SETD1B: variants seen among roughly 807,000 people sequenced by gnomAD.
The protein encoded by SETD1B is histone-lysine N-methyltransferase SETD1B.
Under a neutral mutation model 148.0 loss-of-function variants are expected in SETD1B, and 7 were observed. The observed-to-expected ratio is 0.05, with a 90% CI of 0.03 to 0.09. The LOEUF (loss-of-function observed/expected upper bound fraction) is 0.09. SETD1B is among the 10% of genes least tolerant of loss of function. The pLI is 1.00. For missense variants in SETD1B, 2,155 were observed against 2,729.9 expected, an observed-to-expected ratio of 0.79 and a Z score of 4.69; for synonymous variants, 1,361 against 1,186.5, an observed-to-expected ratio of 1.15 and a Z score of -3.02.
rs1033785206 is a variant in SETD1B at position 121,817,363 on chromosome 12, C to T, written c.2978-7C>T. The T allele has an allele frequency of 5.9e-6, 9 of 1,528,298 alleles. No individual in the cohort carries two copies. The Admixed American group carries it at 1.6e-4, about 27-fold the overall frequency. The allele number at this position is 1,528,298 out of a possible 1,614,324, so 94.7% of individuals were successfully genotyped here. On this transcript the variant is annotated splice_region_variant and splice_polypyrimidine_tract_variant and intron_variant, in intron 8 of 16. Coordinates refer to ENST00000604567, the MANE Select transcript of SETD1B (RefSeq NM_001353345.2). This position sits in a 1 kb window ranked among gnomAD's most constrained non-coding sequence, Gnocchi z 8.1. ...CAGCCCAGCTCTGACTCCCTCCCTT[C>T]CTGCAGAGTCCGAGCGAGAGCGAGA...
Position 121,817,392 on chromosome 12 carries a change from G to A in SETD1B, c.3000G>A (p.Arg1000=). ...EDEESERERD[R]DMADTPCELA... ...CAGAGTCCGAGCGAGAGCGAGACCG[G>A]GATATGGCAGACACCCCCTGTGAGC... Residue 1000 remains arginine (R), a synonymous_variant, in exon 9 of 17, where the codon CGG becomes CGA. Transcript: ENST00000604567. This position sits in a 1 kb window ranked among gnomAD's most constrained non-coding sequence, Gnocchi z 8.1. The A allele has an allele frequency of 6.5e-7, 1 of 1,529,996 alleles. No individual in the cohort carries two copies. Among genetic ancestry groups the A allele is most frequent in the East Asian group, 2.5e-5 (1 of 40,592 alleles). 94.8% of individuals were successfully genotyped at this position (1,529,996 alleles called of 1,614,324 possible).
rs1195497751 is a variant in SETD1B, at chr12:121,809,689, T to G, written c.744T>G (p.Gly248=). 1 of 1,551,458 alleles carries G rather than the reference T, an allele frequency of 6.4e-7. No homozygotes were observed. Among genetic ancestry groups the G allele is most frequent in the East Asian group, 2.4e-5 (1 of 40,938 alleles). The change falls in exon 6 of 17, where the codon GGT becomes GGG. Residue 248 remains glycine, a synonymous_variant. Transcript: ENST00000604567. ...CCTCCTCTGTCACCCCCAATAGCGG[T>G]GGGACACCCTTCTCCCAGGACACAG... ...SGSSSVTPNS[G]GTPFSQDTAY... is the part of the protein sequence containing the mutation.
At chr12:121,802,247 A>G (rs1046025059), upstream of SETD1B, 1 of 152,276 alleles carries the variant, frequency 6.6e-6, no homozygotes, top group Non-Finnish European at 1.5e-5. Flanking sequence ...ATATTAGACA[A>G]GAGAGACAAA....
At chr12:121,812,573 C>T (rs1408685976) in intron 6 of SETD1B, among the ~76,000 whole-genome samples, 4 of 152,042 alleles carry the variant, frequency 2.6e-5, no homozygotes, top group Non-Finnish European at 5.9e-5. Flanking sequence ...CCGGCCGGGG[C>T]TGGAGCGCAG....
chr12:121,819,880 C>A lies in SETD1B; in HGVS notation c.3895C>A (p.Pro1299Thr). Reference protein sequence around the residue: ...KEVEARPPLSPERAPEHDLEV... With the variant: ...KEVEARPPLSTERAPEHDLEV... ...GGTGGAGGCTCGACCCCCATTGTCC[C>A]CTGAGCGAGCTCCAGGTAACACCTG... The change falls in exon 11 of 17, where the codon CCT becomes ACT. Residue 1299 changes from proline (P) to threonine (T), a missense_variant. Pro to Thr is a conservative substitution (Grantham distance 38). Coordinates refer to ENST00000604567, the MANE Select transcript of SETD1B (RefSeq NM_001353345.2). The A allele has an allele frequency of 2.6e-6, 4 of 1,550,606 alleles. No homozygotes were observed. Among genetic ancestry groups the A allele is most frequent in the East Asian group, 2.4e-5 (1 of 40,918 alleles).
upstream of SETD1B, chr12:121,799,731 T>TGGGGGGGGAGGGG (rs1308261766): frequency 3.2e-5 from 1 of 31,716 alleles, no homozygotes; most frequent in African/African-American, 1.0e-4. Context: ...GGGGGGGGGG[T>TGGGGGGGGAGGGG]GGGGTGGGGC....
intron 10 of SETD1B, 136 bp downstream of exon 10, chr12:121,818,040 C>G (rs1876383895): frequency 2.4e-6 from 2 of 848,020 alleles, no homozygotes; most frequent in Non-Finnish European, 1.8e-6. Flanking sequence ...AACACACACA[C>G]AGGGTGGCGT....
At chr12:121,806,194 C>A in intron 4 of SETD1B, 89 bp downstream of exon 4, 2 of 1,402,518 alleles carry the variant, frequency 1.4e-6, no homozygotes, top group South Asian at 1.4e-5. Flanking sequence ...AGGACCCCCC[C>A]TCACTCTTCC....
At position 121,806,108 on chromosome 12, in the gene SETD1B, G is replaced by A. The variant is rs1160469887; in HGVS notation, c.544+3G>A. ...CCACGTGGAGCTGGACACCAAAGGT[G>A]AGCCTGGCAGGGGAGGAGCGTGGGG... On this transcript the variant is annotated splice_donor_region_variant and intron_variant, in intron 4 of 16. Transcript: ENST00000604567. The A allele has an allele frequency of 1.3e-6, 2 of 1,550,646 alleles. No homozygotes were observed. The highest frequency in any genetic ancestry group is 2.7e-5 in the African/African-American group (2 of 73,034).
chr12:121,823,187 G>C lies in SETD1B; in HGVS notation c.4608G>C (p.Leu1536Phe). ...CTATGCTCTCCTTGGATGGGCCCTT[G>C]GTCCGACCACCAGCAGGGGCCGCCC... The part of the protein sequence containing the change: ...PPSMLSLDGP[L>F]VRPPAGAALG... The change falls in exon 12 of 17, where the codon TTG becomes TTC. Residue 1536 changes from leucine to phenylalanine, a missense_variant. Transcript: ENST00000604567. The C allele has an allele frequency of 6.5e-7, 1 of 1,545,930 alleles. No homozygotes were observed. Among genetic ancestry groups the C allele is most frequent in the South Asian group, 1.2e-5 (1 of 84,022 alleles).
chr12:121,825,000 A>AAG (rs1876771120), intron 12 of SETD1B, among the ~76,000 whole-genome samples, 200 bp from the exon 13 acceptor site: 1 of 150,642 alleles, frequency 6.6e-6, no homozygotes, highest in African/African-American at 2.4e-5. Flanking sequence ...AAAAAAAAAA[A>AAG]GACACCTAGA....
chr12:121,810,752 C>A lies in SETD1B; in HGVS notation c.1807C>A (p.Pro603Thr). 6.5e-7 allele frequency: 1 copy of A among 1,550,248 alleles called. No individual in the cohort carries two copies. Among genetic ancestry groups the A allele is most frequent in the Non-Finnish European group, 8.7e-7 (1 of 1,146,094 alleles). Residue 603 changes from proline (P) to threonine (T), a missense_variant, in exon 6 of 17, where the codon CCT becomes ACT. Pro to Thr is a conservative substitution (Grantham distance 38). Transcript: ENST00000604567. The surrounding 1 kb of genome is among the most constrained non-coding windows in gnomAD (Gnocchi z 7.6). ...RPPPEPGPPD[P>T]AGLLSQTAEV... is the part of the protein sequence containing the mutation. ...TCCACCTGAGCCAGGCCCCCCGGAC[C>A]CTGCTGGGCTTCTGAGCCAGACAGC...
Position 121,819,820 on chromosome 12 carries a change from G to A in SETD1B, c.3835G>A (p.Ala1279Thr), listed in dbSNP as rs143926204. 53 of 1,551,578 alleles carry A rather than the reference G, an allele frequency of 3.4e-5. No homozygotes were observed. Among genetic ancestry groups the A allele is most frequent in the African/African-American group, 2.6e-4 (19 of 73,156 alleles). The stretch of plus-strand genomic sequence containing the variant: ...GGAACCAGGCCTGAGCCAGGAAGGG[G>A]CCATGTTGCTGTCTCCAGAGCCCCC... ...PEEPGLSQEG[A>T]MLLSPEPPAK... The change falls in exon 11 of 17, where the codon GCC becomes ACC. Residue 1279 changes from alanine to threonine, a missense_variant. By Grantham distance (58) the Ala-to-Thr change is moderately conservative. Around this residue, in one of 11 missense-constraint regions of SETD1B, gnomAD observed 862 missense variants for 873.8 expected, o/e 0.99. Coordinates refer to ENST00000604567, the MANE Select transcript of SETD1B (RefSeq NM_001353345.2).
chr12:121,798,397 C>CGG, the SETD1B span, among the ~76,000 whole-genome samples: 11 of 152,206 alleles, frequency 7.2e-5, no homozygotes, highest in African/African-American at 2.7e-4. Flanking sequence ...TGGGCTGGTG[C>CGG]GGGGGGAAGC....
intron 16 of SETD1B, 142 bp downstream of exon 16, chr12:121,828,212 G>T: frequency 9.0e-7 from 1 of 1,105,302 alleles, no homozygotes; most frequent in Non-Finnish European, 1.3e-6. Context: ...TATAGGGAGA[G>T]GAGGACATGT....
intron 5 of SETD1B, among the ~76,000 whole-genome samples, chr12:121,809,236 C>G (rs550678287): frequency 1.3e-5 from 2 of 152,304 alleles, no homozygotes; most frequent in South Asian, 2.1e-4. Flanking sequence ...CTTGGCCATC[C>G]TCTCGTGCAC....
chr12:121,817,611 C>T lies in SETD1B; in HGVS notation c.3219C>T (p.Ser1073=), dbSNP rs1876358803. 1 of 1,551,272 alleles carries T rather than the reference C, an allele frequency of 6.4e-7. No individual in the cohort carries two copies. Among genetic ancestry groups the T allele is most frequent in the South Asian group, 1.2e-5 (1 of 84,054 alleles). Residue 1073 remains serine (S), a synonymous_variant, in exon 9 of 17, where the codon AGC becomes AGT. Coordinates refer to ENST00000604567, the MANE Select transcript of SETD1B (RefSeq NM_001353345.2). This position sits in a 1 kb window ranked among gnomAD's most constrained non-coding sequence, Gnocchi z 8.1. The stretch of plus-strand genomic sequence containing the variant: ...CCGACAAGGAGGAGGAACAGGAGAG[C>T]ACCGAGGAGGAAGAGGAGGCGGAGG... ...SASDKEEEQE[S]TEEEEEAEEE...
the SETD1B span, chr12:121,795,712 G>C: frequency 4.7e-4 from 72 of 153,088 alleles, no homozygotes; most frequent in East Asian, 1.5e-3. Context: ...GACGACAGGA[G>C]GGAGCCAAGG....
rs1228811226 is a variant in SETD1B, at chr12:121,805,244, T to A, written c.273+28T>A. 7.1e-7 allele frequency: 1 copy of A among 1,411,332 alleles called. No homozygotes were observed. Among genetic ancestry groups the A allele is most frequent in the East Asian group, 2.9e-5 (1 of 34,288 alleles). 87.4% of individuals were successfully genotyped at this position (1,411,332 alleles called of 1,614,324 possible). A position where few individuals can be genotyped will look rare whatever the true frequency, so the allele number is the denominator to read the frequency against. On this transcript the variant is annotated intron_variant, in intron 3 of 16. Coordinates refer to ENST00000604567, the MANE Select transcript of SETD1B (RefSeq NM_001353345.2). This position sits in a 1 kb window ranked among gnomAD's most constrained non-coding sequence, Gnocchi z 4.2. ...AGGACCCCTCCCCACTGCCCCGCCG[T>A]CCCTCCCCCACCTCCCCGAGTTCGA...
Sources: gnomAD v4.1 joint callset for allele counts (sites outside exome capture counted in the v4.1 genomes callset) on GRCh38, gnomAD v4.1.1 for gene constraint, gnomAD v4.1.1 regional missense constraint, Gnocchi (gnomAD v3.1) non-coding constraint, MANE v1.5 for transcripts, NCBI Gene and HGNC (gene_info 2026-07-23, HGNC 2026-07-21) for gene names.